The following MDFIC variants were observed in gnomAD, a reference collection of about 807,000 sequenced individuals.
MDFIC encodes MyoD family inhibitor domain containing.
MDFIC carries 17 observed loss-of-function variants against 23.2 expected under a neutral mutation model. That is an observed-to-expected ratio of 0.73 (90% CI 0.50 to 1.10). The LOEUF is 1.10. MDFIC is among the 50% of genes least tolerant of loss of function. The pLI is 0.00. For missense variants in MDFIC, 356 were observed against 316.6 expected, an observed-to-expected ratio of 1.12 and a Z score of -0.95; for synonymous variants, 120 against 115.2, an observed-to-expected ratio of 1.04 and a Z score of -0.27.
intron 4 of MDFIC, chr7:115,014,113 T>G: frequency 2.0e-6 from 2 of 985,440 alleles, no homozygotes; most frequent in African/African-American, 1.7e-5. Flanking sequence ...TTTCACCATC[T>G]GCCAAGTGGA....
At chr7:114,936,105 C>CCCATTT in intron 2 of MDFIC, among the ~76,000 whole-genome samples, 1 of 152,132 alleles carries the variant, frequency 6.6e-6, no homozygotes, top group Non-Finnish European at 1.5e-5. Context: ...AAGAATCTGA[C>CCCATTT]AAAGATTAAC....
intron 3 of MDFIC, among the ~76,000 whole-genome samples, chr7:114,954,230 C>T (rs1170824999): frequency 6.6e-6 from 1 of 152,178 alleles, no homozygotes; most frequent in Non-Finnish European, 1.5e-5. Context: ...CTCATTTCTC[C>T]CTGTCCTTTT....
chr7:114,923,620 G>A, intron 2 of MDFIC: 1 of 1,456,358 alleles, frequency 6.9e-7, no homozygotes, highest in South Asian at 1.4e-5. Context: ...TCAATAACTG[G>A]TTTGTTTTGA....
intron 3 of MDFIC, among the ~76,000 whole-genome samples, chr7:114,956,761 C>T (rs1307715278): frequency 6.6e-6 from 1 of 152,128 alleles, no homozygotes; most frequent in Non-Finnish European, 1.5e-5. Context: ...CCATGTAATC[C>T]TGAAGTGCAG....
At chr7:114,967,994 T>A (rs879285797) in intron 3 of MDFIC, among the ~76,000 whole-genome samples, 3 of 152,062 alleles carry the variant, frequency 2.0e-5, no homozygotes, top group Non-Finnish European at 4.4e-5. Flanking sequence ...ACACCCAGTT[T>A]TTTTAAAAGA....
At chr7:114,941,813 C>T (rs1337263553) in intron 2 of MDFIC, among the ~76,000 whole-genome samples, 1 of 152,170 alleles carries the variant, frequency 6.6e-6, no homozygotes, top group African/African-American at 2.4e-5. Flanking sequence ...AGAGAGAATG[C>T]TGTACTTGTT....
At chr7:114,958,647 A>T (rs1375309589) in intron 3 of MDFIC, among the ~76,000 whole-genome samples, 1 of 152,150 alleles carries the variant, frequency 6.6e-6, no homozygotes, top group Non-Finnish European at 1.5e-5. Flanking sequence ...GCTACTTGGG[A>T]GGCTGAAGCA....
chr7:114,936,189 C>T (rs1792420501), intron 2 of MDFIC, among the ~76,000 whole-genome samples: 1 of 152,152 alleles, frequency 6.6e-6, no homozygotes, highest in South Asian at 2.1e-4. Flanking sequence ...AAACACTTCT[C>T]TAGTGCAGAG....
At chr7:114,938,757 G>C (rs1041340921) in intron 2 of MDFIC, among the ~76,000 whole-genome samples, 16 of 150,254 alleles carry the variant, frequency 1.1e-4, no homozygotes, top group African/African-American at 3.9e-4. Context: ...TTTCATATGT[G>C]ACTGAAATCA....
In MDFIC at chr7:114,979,363, T is replaced by TGA. The variant is rs1793374615; in HGVS notation, c.218-143_218-142insGA. The TGA allele has an allele frequency of 1.2e-5, 10 of 808,454 alleles. No homozygotes were observed. The South Asian group carries it at 2.7e-4, about 21-fold the overall frequency. The allele number at this position is 808,454 out of a possible 1,614,324, so 50.1% of individuals were successfully genotyped here. A position where few individuals can be genotyped will look rare whatever the true frequency, so the allele number is the denominator to read the frequency against. On this transcript the variant is annotated intron_variant, in intron 3 of 4. Coordinates refer to ENST00000393486, the MANE Select transcript of MDFIC (RefSeq NM_001166345.3). ...ACTTTCTCTATGTCTATGTTAGTAT[T>TGA]TTTCTTTCTTTTCTTTGTTGCCTCT...
At chr7:114,979,403 A>T in intron 3 of MDFIC, 103 bp from the exon 4 acceptor site, 1 of 1,215,164 alleles carries the variant, frequency 8.2e-7, no homozygotes, top group Non-Finnish European at 1.1e-6. Flanking sequence ...TGTTAGTATT[A>T]TGGGTAAAAC....
rs148976289 is a variant in MDFIC at position 114,997,408 on chromosome 7, ATGTG to A, written c.493+17642_493+17645del. Among the ~76,000 whole-genome samples, 5 of 149,402 alleles carry A rather than the reference ATGTG, an allele frequency of 3.3e-5. No homozygotes were observed. The South Asian group carries it at 6.4e-4, about 19-fold the overall frequency. Reference sequence around the variant, plus strand: ...TAGGGGAGTGTATGTGCATGCGTGCATGTGTGTGTGTGTGTGTGCGCGCGTGTGT... The same window carrying A: ...TAGGGGAGTGTATGTGCATGCGTGCATGTGTGTGTGTGTGCGCGCGTGTGT... On this transcript the variant is annotated intron_variant, in intron 4 of 4. Coordinates refer to ENST00000393486, the MANE Select transcript of MDFIC (RefSeq NM_001166345.3).
intron 4 of MDFIC, among the ~76,000 whole-genome samples, chr7:114,996,801 A>G (rs1791343087): frequency 6.6e-6 from 1 of 152,188 alleles, no homozygotes; most frequent in Admixed American, 6.5e-5. Context: ...ATATGATTCT[A>G]ATTTGAATGC....
chr7:114,927,882 A>G (rs1465182030), intron 2 of MDFIC, among the ~76,000 whole-genome samples: 2 of 152,252 alleles, frequency 1.3e-5, no homozygotes, highest in African/African-American at 2.4e-5. Flanking sequence ...AAAACATACT[A>G]TTATAAAACT....
intron 3 of MDFIC, among the ~76,000 whole-genome samples, chr7:114,952,710 GA>G (rs149236506): frequency 8.6e-5 from 13 of 151,994 alleles, no homozygotes; most frequent in Admixed American, 2.6e-4. Context: ...AAAATTTAAG[GA>G]AAAAAAGATT....
intron 3 of MDFIC, among the ~76,000 whole-genome samples, chr7:114,953,713 A>G (rs1487470436): frequency 1.3e-5 from 2 of 152,212 alleles, no homozygotes; most frequent in African/African-American, 2.4e-5. Context: ...GCCCCTGAGC[A>G]TACCCTAATA....
intron 4 of MDFIC, among the ~76,000 whole-genome samples, chr7:115,004,403 A>T (rs6978349): frequency 6.6e-6 from 1 of 152,006 alleles, no homozygotes; most frequent in African/African-American, 2.4e-5. Context: ...GAACCCAAGG[A>T]GTTGAAGACC....
intron 3 of MDFIC, among the ~76,000 whole-genome samples, chr7:114,965,511 A>C (rs1168723568): frequency 6.6e-6 from 1 of 152,236 alleles, no homozygotes; most frequent in African/African-American, 2.4e-5. Context: ...AGAGATGATG[A>C]GGACTTAAAC....
At position 115,018,356 on chromosome 7, in the gene MDFIC, A is replaced by G. The variant is rs933337877; in HGVS notation, c.*2421A>G. 3.3e-5 allele frequency: 5 copies of G among 151,954 alleles called. No individual in the cohort carries two copies. The highest frequency in any genetic ancestry group is 1.2e-4 in the African/African-American group (5 of 41,376). 9.4% of individuals were successfully genotyped at this position (151,954 alleles called of 1,614,324 possible). A position where few individuals can be genotyped will look rare whatever the true frequency, so the allele number is the denominator to read the frequency against. On this transcript the variant is annotated 3_prime_UTR_variant, in exon 5 of 5. Transcript: ENST00000393486. ...CAAGTGGTTTGTCTAATATTTAAAC[A>G]TGTACTGGCACAATTTGTGATGAAA...
Sources: gnomAD v4.1 joint callset for allele counts (sites outside exome capture counted in the v4.1 genomes callset) on GRCh38, gnomAD v4.1.1 for gene constraint, MANE v1.5 for transcripts, NCBI Gene and HGNC (gene_info 2026-07-23, HGNC 2026-07-21) for gene names.